The following CAMKMT variants were observed in gnomAD, a reference collection of about 807,000 sequenced individuals.
CAMKMT encodes the protein calmodulin-lysine N-methyltransferase.
In CAMKMT, 53 loss-of-function variants were observed where a neutral mutation model predicts 48.0. The observed-to-expected ratio is 1.10, with a 90% CI of 0.89 to 1.39. The LOEUF is 1.39. Ranked by LOEUF, CAMKMT falls within the 40% of genes most tolerant of loss-of-function variation. CAMKMT has a pLI of 0.00. For synonymous variants in CAMKMT, 165 were observed against 152.3 expected (o/e 1.08, Z -0.61); for missense variants, 428 against 402.7 (o/e 1.06, Z -0.54).
chr2:44,763,170 C>T (rs1680687862), intron 9 of CAMKMT, among the ~76,000 whole-genome samples: 1 of 152,060 alleles, frequency 6.6e-6, no homozygotes, highest in Non-Finnish European at 1.5e-5. Flanking sequence ...TCTTTTCCAT[C>T]CTAACTATTA....
intron 3 of CAMKMT, among the ~76,000 whole-genome samples, chr2:44,697,163 G>A (rs1677000577): frequency 6.6e-6 from 1 of 152,140 alleles, no homozygotes; most frequent in Non-Finnish European, 1.5e-5. Flanking sequence ...GAAGAACATG[G>A]AGTTTCTGGA....
At chr2:44,502,606 A>G (rs1670060281) in intron 3 of CAMKMT, among the ~76,000 whole-genome samples, 1 of 152,316 alleles carries the variant, frequency 6.6e-6, no homozygotes, top group African/African-American at 2.4e-5. Flanking sequence ...TTAGAGGAGA[A>G]CATTTCAAGA....
At chr2:44,686,265 C>T (rs1676329625) in intron 3 of CAMKMT, among the ~76,000 whole-genome samples, 2 of 151,642 alleles carry the variant, frequency 1.3e-5, no homozygotes, top group Admixed American at 1.3e-4. Flanking sequence ...TGGTGGCGGG[C>T]GCCTGTAGTC....
rs1280561481 is a variant in CAMKMT, at chr2:44,429,355, C to G, written c.376+39050C>G. 4.0e-5 allele frequency among the ~76,000 whole-genome samples: 6 copies of G among 151,652 alleles called. No homozygotes were observed. In the East Asian group the frequency reaches 1.2e-3, roughly 29 times the overall value. ...ATACTGTTAATTCAAACTAATATTT[C>G]TGGATAATACATATTATATTCCTAC... On this transcript the variant is annotated intron_variant, in intron 3 of 10. Transcript: ENST00000378494.
chr2:44,472,299 C>A (rs1204565414), intron 3 of CAMKMT, among the ~76,000 whole-genome samples: 3 of 151,996 alleles, frequency 2.0e-5, no homozygotes, highest in Admixed American at 2.0e-4. Flanking sequence ...ATTAAATGGG[C>A]AATTCTTTTT....
chr2:44,365,651 C>T (rs1678513162), intron 1 of CAMKMT, among the ~76,000 whole-genome samples: 1 of 152,180 alleles, frequency 6.6e-6, no homozygotes, highest in South Asian at 2.1e-4. Flanking sequence ...ATTGCTGTGT[C>T]CAGAATGGGG....
rs559985742 is a variant in CAMKMT at position 44,657,708 on chromosome 2, A to G, written c.377-46575A>G. Among the ~76,000 whole-genome samples the G allele has an allele frequency of 6.6e-6, 1 of 152,306 alleles. No individual in the cohort carries two copies. Among genetic ancestry groups the G allele is most frequent in the East Asian group, 1.9e-4 (1 of 5,186 alleles). ...TTCAAAATACATCTTTGCCAGGTAC[A>G]TGCTTACTACTTTGTAGATTTTTAG... On this transcript the variant is annotated intron_variant, in intron 3 of 10. Coordinates refer to ENST00000378494, the MANE Select transcript of CAMKMT (RefSeq NM_024766.5). This position sits in a 1 kb window ranked among gnomAD's most constrained non-coding sequence, Gnocchi z 4.3.
chr2:44,430,074 T>A (rs1211178321), intron 3 of CAMKMT, among the ~76,000 whole-genome samples: 1 of 152,052 alleles, frequency 6.6e-6, no homozygotes, highest in Non-Finnish European at 1.5e-5. Flanking sequence ...TCAATGGGCT[T>A]TCGGCTATGA....
At chr2:44,760,482 G>A (rs1170613518) in intron 9 of CAMKMT, among the ~76,000 whole-genome samples, 1 of 151,746 alleles carries the variant, frequency 6.6e-6, no homozygotes, top group Non-Finnish European at 1.5e-5. Context: ...ATTATGGCGG[G>A]TGCCTGTAGT....
chr2:44,713,614 T>C (rs1678002997), intron 6 of CAMKMT, among the ~76,000 whole-genome samples: 1 of 152,106 alleles, frequency 6.6e-6, no homozygotes, highest in Non-Finnish European at 1.5e-5. Flanking sequence ...AATTTAACGG[T>C]ATTTAATTTG....
chr2:44,607,147 T>C (rs1461178846), intron 3 of CAMKMT, among the ~76,000 whole-genome samples: 1 of 152,254 alleles, frequency 6.6e-6, no homozygotes, highest in African/African-American at 2.4e-5. Context: ...CAAATTCCCA[T>C]GACAGGGCAG....
chr2:44,363,688 CTT>C (rs577698393), intron 1 of CAMKMT, among the ~76,000 whole-genome samples: 20 of 127,764 alleles, frequency 1.6e-4, no homozygotes, highest in Admixed American at 1.6e-4. Flanking sequence ...CAACCCCCTT[CTT>C]TTTTTTTTTT....
At chr2:44,456,827 G>A (rs952804842) in intron 3 of CAMKMT, 3 of 460,130 alleles carry the variant, frequency 6.5e-6, no homozygotes, top group East Asian at 3.7e-5. Context: ...TCCTTCTCCA[G>A]CCCAATTATG....
chr2:44,563,972 A>C (rs561967894), intron 3 of CAMKMT, among the ~76,000 whole-genome samples: 1 of 152,264 alleles, frequency 6.6e-6, no homozygotes, highest in African/African-American at 2.4e-5. Context: ...ATGATTTATA[A>C]TCCTTTGGGT....
intron 3 of CAMKMT, among the ~76,000 whole-genome samples, chr2:44,643,143 G>A (rs75648672): frequency 0.027 from 4,136 of 152,140 alleles, 188 homozygotes; most frequent in African/African-American, 0.094. Context: ...TTAAATTATT[G>A]TCTATGAGTA....
chr2:44,543,516 G>C (rs1214107232), intron 3 of CAMKMT, among the ~76,000 whole-genome samples: 2 of 152,244 alleles, frequency 1.3e-5, no homozygotes, highest in South Asian at 2.1e-4. Flanking sequence ...AACTGACTGT[G>C]GTGCTGAATG....
intron 3 of CAMKMT, among the ~76,000 whole-genome samples, chr2:44,604,103 GA>G (rs1671149726): frequency 1.3e-5 from 2 of 152,168 alleles, no homozygotes; most frequent in African/African-American, 4.8e-5. Context: ...GAGAAGCTCT[GA>G]GTTAAAGTCC....
chr2:44,422,506 A>C (rs1683999540), intron 3 of CAMKMT, among the ~76,000 whole-genome samples: 1 of 152,202 alleles, frequency 6.6e-6, no homozygotes. Flanking sequence ...GTGCAGGATC[A>C]GTCTTGTTGT....
At chr2:44,514,461 T>A in intron 3 of CAMKMT, among the ~76,000 whole-genome samples, 1 of 152,224 alleles carries the variant, frequency 6.6e-6, no homozygotes, top group Non-Finnish European at 1.5e-5. Flanking sequence ...CCAAGCCTAG[T>A]GCTTCTTTGC....
Sources: allele counts gnomAD v4.1 joint callset (sites outside exome capture counted in the v4.1 genomes callset), GRCh38; gene constraint gnomAD v4.1.1; non-coding constraint Gnocchi (gnomAD v3.1); transcripts MANE v1.5; gene names NCBI Gene and HGNC (gene_info 2026-07-23, HGNC 2026-07-21).